Variants in NBAS observed in about 807,000 individuals in gnomAD.
The protein encoded by NBAS is NBAS subunit of NRZ tethering complex.
A neutral mutation model predicts 302.5 loss-of-function variants in NBAS; 219 were observed. That is an observed-to-expected ratio of 0.72 (90% CI 0.65 to 0.81). The LOEUF (loss-of-function observed/expected upper bound fraction) is 0.81, where lower values mean the gene tolerates loss of function less well. NBAS is among the 30% of genes least tolerant of loss of function. The pLI is 0.00. For synonymous variants in NBAS, 1,118 were observed against 1,021.6 expected, an observed-to-expected ratio of 1.09 and a Z score of -1.80; for missense variants, 2,932 against 2,841.6, an observed-to-expected ratio of 1.03 and a Z score of -0.72.
chr2:15,217,796 G>A (rs536389952), intron 48 of NBAS, among the ~76,000 whole-genome samples: 39 of 152,314 alleles, frequency 2.6e-4, no homozygotes, highest in Middle Eastern at 3.4e-3. Flanking sequence ...CTGAGTATGT[G>A]CACAGGATAC....
At chr2:15,358,166 C>T (rs2148317372) in intron 32 of NBAS, among the ~76,000 whole-genome samples, 1 of 152,240 alleles carries the variant, frequency 6.6e-6, no homozygotes, top group South Asian at 2.1e-4. Context: ...CACTCACTTG[C>T]ACACCCTACC....
At chr2:15,050,657 G>C in the NBAS span, among the ~76,000 whole-genome samples, 1 of 152,192 alleles carries the variant, frequency 6.6e-6, no homozygotes, top group Non-Finnish European at 1.5e-5. Context: ...CTAGAGCTGG[G>C]CTACAGGCCA....
chr2:14,999,733 T>C, the NBAS span, among the ~76,000 whole-genome samples: 558 of 152,346 alleles, frequency 3.7e-3, 7 homozygotes, highest in African/African-American at 0.013. Flanking sequence ...TAGTTCTTCA[T>C]AGCAATGTGA....
At chr2:15,162,970 A>G (rs1663930757), downstream of NBAS, among the ~76,000 whole-genome samples, 1 of 152,172 alleles carries the variant, frequency 6.6e-6, no homozygotes, top group African/African-American at 2.4e-5. Flanking sequence ...TATCATAATG[A>G]GTTTTCTTTC....
At chr2:15,090,808 C>T in the NBAS span, among the ~76,000 whole-genome samples, 326 of 152,300 alleles carry the variant, frequency 2.1e-3, 1 homozygote, top group Non-Finnish European at 3.8e-3. Context: ...TTGATAAAAG[C>T]ATTTGGAACG....
intron 9 of NBAS, among the ~76,000 whole-genome samples, chr2:15,533,443 A>C (rs1386496585): frequency 1.3e-5 from 2 of 152,222 alleles, no homozygotes; most frequent in Non-Finnish European, 2.9e-5. Context: ...ATAGTAGTTA[A>C]AAATGAATAA....
intron 33 of NBAS, among the ~76,000 whole-genome samples, chr2:15,355,588 G>C (rs1482173250): frequency 6.6e-6 from 1 of 152,124 alleles, no homozygotes; most frequent in East Asian, 1.9e-4. Context: ...GGGGCCTTGG[G>C]GGAGGTGATT....
chr2:15,329,227 C>T (rs763987950), intron 36 of NBAS, among the ~76,000 whole-genome samples: 3 of 152,218 alleles, frequency 2.0e-5, no homozygotes, highest in Non-Finnish European at 4.4e-5. Context: ...AACGATGAAG[C>T]TGCTGCTGCA....
In NBAS at chr2:15,408,141, C is replaced by G. The variant is rs116290853; in HGVS notation, c.2938-5840G>C. Reference sequence around the variant, plus strand: ...AAGCCCCTTTTGCCAGGTAAGGTAACATCTTCATAGGTTCAGGAATTAGGA... The same window carrying G: ...AAGCCCCTTTTGCCAGGTAAGGTAAGATCTTCATAGGTTCAGGAATTAGGA... On this transcript the variant is annotated intron_variant, in intron 25 of 51. Coordinates refer to ENST00000281513, the MANE Select transcript of NBAS (RefSeq NM_015909.4). Among the ~76,000 whole-genome samples, 1,029 of 152,316 alleles carry G rather than the reference C, an allele frequency of 6.8e-3. 12 individuals carry two copies. The highest frequency in any genetic ancestry group is 0.022 in the African/African-American group (928 of 41,562).
chr2:15,402,814 C>G (rs1472474932), intron 25 of NBAS, among the ~76,000 whole-genome samples: 1 of 149,782 alleles, frequency 6.7e-6, no homozygotes, highest in Non-Finnish European at 1.5e-5. Flanking sequence ...AGAACACATT[C>G]CATATTTCTG....
At chr2:15,098,673 A>T in the NBAS span, among the ~76,000 whole-genome samples, 1 of 137,016 alleles carries the variant, frequency 7.3e-6, no homozygotes, top group Non-Finnish European at 1.5e-5. Context: ...TATACATTAT[A>T]TTATATATTA....
At chr2:15,253,617 TC>T (rs1223359755) in intron 44 of NBAS, among the ~76,000 whole-genome samples, 2 of 152,162 alleles carry the variant, frequency 1.3e-5, no homozygotes, top group Admixed American at 1.3e-4. Context: ...AAGTATTCTT[TC>T]CTAAAACTGA....
chr2:15,179,322 C>T (rs369967237), intron 50 of NBAS: 2 of 655,782 alleles, frequency 3.0e-6, no homozygotes, highest in East Asian at 2.9e-5. Context: ...GATTTCCAAG[C>T]TATCAGATAT....
At chr2:15,518,720 C>T (rs912301831) in intron 9 of NBAS, among the ~76,000 whole-genome samples, 1 of 152,090 alleles carries the variant, frequency 6.6e-6, no homozygotes, top group Middle Eastern at 3.2e-3. Context: ...CGAGACTTGG[C>T]AATTTACAAA....
chr2:15,393,596 G>A (rs1346377159), intron 28 of NBAS: 2 of 338,924 alleles, frequency 5.9e-6, no homozygotes, highest in African/African-American at 4.0e-5. Context: ...TCATCCTTAG[G>A]TATTTGTCTG....
At chr2:15,275,349 T>C (rs1054578188) in intron 44 of NBAS, 135 bp downstream of exon 44, 1 of 1,070,214 alleles carries the variant, frequency 9.3e-7, no homozygotes, top group Non-Finnish European at 1.3e-6. Context: ...TCACAGCAAA[T>C]GAACAAAAAC....
rs747819183 is a variant in NBAS, at chr2:15,553,441, T to G, written c.320A>C (p.Gln107Pro). Residue 107 changes from glutamine to proline, a missense_variant, in exon 5 of 52, where the codon CAG becomes CCG. By Grantham distance (76) the Gln-to-Pro change is moderately conservative. Transcript: ENST00000281513. ...TAACAATTACCTGATTTCCACACAC[T>G]GATCTTGAACAGCAGCCAAAAGCTT... ...NGKLLAAVQD[Q>P]CVEIRSAKDD... is the part of the protein sequence containing the mutation. The G allele has an allele frequency of 1.2e-6, 2 of 1,610,938 alleles. No homozygotes were observed. The highest frequency in any genetic ancestry group is 2.2e-5 in the East Asian group (1 of 44,792).
At chr2:15,138,694 A>C in the NBAS span, among the ~76,000 whole-genome samples, 1 of 138,168 alleles carries the variant, frequency 7.2e-6, no homozygotes, top group African/African-American at 3.2e-5. Context: ...GTAACTGGGC[A>C]AAAAAAAAAG....
chr2:15,412,022 T>C (rs1676712237), intron 25 of NBAS, among the ~76,000 whole-genome samples: 1 of 152,076 alleles, frequency 6.6e-6, no homozygotes, highest in Admixed American at 6.6e-5. Flanking sequence ...AGGAGTGCTT[T>C]AAGATACTAT....
Sources: gnomAD v4.1 joint callset for allele counts (sites outside exome capture counted in the v4.1 genomes callset) on GRCh38, gnomAD v4.1.1 for gene constraint, MANE v1.5 for transcripts, NCBI Gene and HGNC (gene_info 2026-07-23, HGNC 2026-07-21) for gene names.